Variants in MX2 observed in about 807,000 individuals in gnomAD.
MX2 encodes the protein MX dynamin like GTPase 2.
MX2 carries 51 observed loss-of-function variants against 74.0 expected under a neutral mutation model. The ratio of observed to expected loss-of-function variants is 0.69; its 90% CI spans 0.55 to 0.87. The LOEUF (loss-of-function observed/expected upper bound fraction) is 0.87, where lower values mean the gene tolerates loss of function less well. Among genes scored for constraint, MX2 ranks in the 40% least tolerant of loss-of-function variants. The pLI is 0.00. For missense variants in MX2, 832 were observed against 908.7 expected (o/e 0.92, Z 1.09); for synonymous variants, 369 against 339.3 (o/e 1.09, Z -0.96).
In MX2 at chr21:41,408,336, CTA is replaced by C. The variant is rs1012488344; in HGVS notation, c.*105_*106del. On this transcript the variant is annotated 3_prime_UTR_variant, in exon 14 of 14. Transcript: ENST00000330714. The stretch of plus-strand genomic sequence containing the variant: ...GCTTTGGGGCCAAACTCTTCTGTCA[CTA>C]TCAGTGTCCATCTCTACTGTACTCC... 5 of 1,460,598 alleles carry C rather than the reference CTA, an allele frequency of 3.4e-6. No homozygotes were observed. The African/African-American group carries it at 7.0e-5, about 20-fold the overall frequency. The allele number at this position is 1,460,598 out of a possible 1,614,324, so 90.5% of individuals were successfully genotyped here. A position where few individuals can be genotyped will look rare whatever the true frequency, so the allele number is the denominator to read the frequency against.
At chr21:41,376,178 G>T (rs1421730859) in intron 1 of MX2, among the ~76,000 whole-genome samples, 7 of 152,144 alleles carry the variant, frequency 4.6e-5, no homozygotes, top group Non-Finnish European at 8.8e-5. Flanking sequence ...CACACCTAAT[G>T]GTTCTCCTGC....
intron 12 of MX2, chr21:41,403,912 A>C (rs2089850342): frequency 4.1e-6 from 1 of 242,540 alleles, no homozygotes; most frequent in African/African-American, 2.3e-5. Flanking sequence ...TCCGTCATAT[A>C]AATTAATTTC....
intron 1 of MX2, among the ~76,000 whole-genome samples, chr21:41,369,315 A>G (rs1601390350): frequency 6.6e-6 from 1 of 152,176 alleles, no homozygotes; most frequent in Non-Finnish European, 1.5e-5. Flanking sequence ...GAGGGACCCC[A>G]GGTGGGGCTG....
Position 41,397,617 on chromosome 21 carries a change from C to A in MX2, c.1075C>A (p.Leu359Ile), listed in dbSNP as rs748381668. Residue 359 changes from leucine to isoleucine, a missense_variant, in exon 8 of 14, where the codon CTC becomes ATC. Transcript: ENST00000330714. ...TGAATGTCTGTCTCATTTCAGAGTTCTCCTGGAGGAGGGGTCAGCCACGGT... is the reference window on the plus strand; with the variant it reads ...TGAATGTCTGTCTCATTTCAGAGTTATCCTGGAGGAGGGGTCAGCCACGGT... Reference protein sequence around the residue: ...FFQTHPYFRVLLEEGSATVPR... With the variant: ...FFQTHPYFRVILEEGSATVPR... 1 of 1,613,784 alleles carries A rather than the reference C, an allele frequency of 6.2e-7. No individual in the cohort carries two copies. Among genetic ancestry groups the A allele is most frequent in the Non-Finnish European group, 8.5e-7 (1 of 1,179,692 alleles).
At chr21:41,371,309 G>T (rs2089322009) in intron 1 of MX2, among the ~76,000 whole-genome samples, 1 of 152,138 alleles carries the variant, frequency 6.6e-6, no homozygotes, top group Non-Finnish European at 1.5e-5. Flanking sequence ...CTGATCCATT[G>T]GTCTGGGTTT....
At position 41,388,969 on chromosome 21, in the gene MX2, G is replaced by A. The variant is rs531854135; in HGVS notation, c.733-1596G>A. On this transcript the variant is annotated intron_variant, in intron 5 of 13. Coordinates refer to ENST00000330714, the MANE Select transcript of MX2 (RefSeq NM_002463.2). The surrounding 1 kb of genome is among the most constrained non-coding windows in gnomAD (Gnocchi z 4.0). ...TACAATGCCTAGGATGGCCACCATG[G>A]CAGAGTCATCCTTCTGAATTGTCAA... Among the ~76,000 whole-genome samples, 6 of 152,242 alleles carry A rather than the reference G, an allele frequency of 3.9e-5. No homozygotes were observed. The East Asian group carries it at 7.7e-4, about 20-fold the overall frequency.
At chr21:41,399,104 A>G in intron 9 of MX2, 85 bp downstream of exon 9, 5 of 1,595,698 alleles carry the variant, frequency 3.1e-6, no homozygotes, top group Non-Finnish European at 4.3e-6. Context: ...CACCCATGAG[A>G]TGAGGTGGGC....
Position 41,377,014 on chromosome 21 carries a change from C to A in MX2, c.108C>A (p.Phe36Leu). The change falls in exon 2 of 14, where the codon TTC becomes TTA. Residue 36 changes from phenylalanine to leucine, a missense_variant. Coordinates refer to ENST00000330714, the MANE Select transcript of MX2 (RefSeq NM_002463.2). Reference sequence around the variant, plus strand: ...CCTTCCAGCAACAGCCACCGCCATTCGGCACAGTGCCACCACAAATGATGT... The same window carrying A: ...CCTTCCAGCAACAGCCACCGCCATTAGGCACAGTGCCACCACAAATGATGT... Reference protein sequence around the residue: ...MNSFQQQPPPFGTVPPQMMFP... With the variant: ...MNSFQQQPPPLGTVPPQMMFP... 1 of 1,614,214 alleles carries A rather than the reference C, an allele frequency of 6.2e-7. No homozygotes were observed. The highest frequency in any genetic ancestry group is 1.3e-5 in the African/African-American group (1 of 75,050).
At chr21:41,384,440 T>A (rs1038186910) in intron 5 of MX2, among the ~76,000 whole-genome samples, 3 of 152,238 alleles carry the variant, frequency 2.0e-5, no homozygotes, top group Non-Finnish European at 4.4e-5. Context: ...TTTCCGTTGT[T>A]GTAAATATTG....
intron 6 of MX2, among the ~76,000 whole-genome samples, chr21:41,392,587 G>A (rs887634542): frequency 2.6e-5 from 4 of 152,188 alleles, no homozygotes; most frequent in South Asian, 2.1e-4. Context: ...GAGATGGACG[G>A]TGGTGATGGT....
chr21:41,380,377 C>T lies in MX2; in HGVS notation c.577+226C>T, dbSNP rs1385585484. Among the ~76,000 whole-genome samples, 1 of 152,164 alleles carries T rather than the reference C, an allele frequency of 6.6e-6. No homozygotes were observed. Among genetic ancestry groups the T allele is most frequent in the East Asian group, 1.9e-4 (1 of 5,188 alleles). On this transcript the variant is annotated intron_variant, in intron 4 of 13. Coordinates refer to ENST00000330714, the MANE Select transcript of MX2 (RefSeq NM_002463.2). This position sits in a 1 kb window ranked among gnomAD's most constrained non-coding sequence, Gnocchi z 4.3. ...CATGCCGAGGACCCTCTGGTGGCTTCCCTTAGCAGCCTGCAGCCCACGTGG... is the reference window on the plus strand; with the variant it reads ...CATGCCGAGGACCCTCTGGTGGCTTTCCTTAGCAGCCTGCAGCCCACGTGG...
intron 1 of MX2, among the ~76,000 whole-genome samples, chr21:41,373,487 G>A (rs416981): frequency 0.49 from 74,761 of 151,992 alleles, 21,884 homozygotes; most frequent in East Asian, 0.8. Flanking sequence ...CCTCCAGGCT[G>A]CAGGCAGTCT....
At chr21:41,407,110 T>C (rs2089897110) in intron 13 of MX2, 112 bp downstream of exon 13, 3 of 1,117,572 alleles carry the variant, frequency 2.7e-6, no homozygotes, top group Non-Finnish European at 3.8e-6. Flanking sequence ...ACCACTACAA[T>C]GTATTAAGCC....
At chr21:41,396,584 G>A (rs1382359640) in intron 7 of MX2, among the ~76,000 whole-genome samples, 2 of 152,134 alleles carry the variant, frequency 1.3e-5, no homozygotes, top group Non-Finnish European at 2.9e-5. Context: ...TTCTCCAGGG[G>A]ATCCTACTAC....
intron 6 of MX2, among the ~76,000 whole-genome samples, chr21:41,395,378 T>G (rs899508789): frequency 1.3e-5 from 2 of 152,084 alleles, no homozygotes; most frequent in African/African-American, 4.8e-5. Context: ...TCCAGGACAC[T>G]GAATGAACTG....
At position 41,380,283 on chromosome 21, in the gene MX2, T is replaced by C; in HGVS notation, c.577+132T>C. On this transcript the variant is annotated intron_variant, in intron 4 of 13. Coordinates refer to ENST00000330714, the MANE Select transcript of MX2 (RefSeq NM_002463.2). This position sits in a 1 kb window ranked among gnomAD's most constrained non-coding sequence, Gnocchi z 4.3. The stretch of plus-strand genomic sequence containing the variant: ...AGCCCCATGTGCTCCCACATGGGGC[T>C]GAACCCATTGCTGTCACCTCCACCA... The C allele has an allele frequency of 8.1e-7, 1 of 1,236,708 alleles. No individual in the cohort carries two copies. Among genetic ancestry groups the C allele is most frequent in the Non-Finnish European group, 1.1e-6 (1 of 891,218 alleles). The allele number at this position is 1,236,708 out of a possible 1,614,324, so 76.6% of individuals were successfully genotyped here. A position where few individuals can be genotyped will look rare whatever the true frequency, so the allele number is the denominator to read the frequency against.
chr21:41,381,747 A>C (rs1049240168), intron 4 of MX2, among the ~76,000 whole-genome samples: 4 of 152,106 alleles, frequency 2.6e-5, no homozygotes, highest in African/African-American at 4.8e-5. Context: ...ACATCTTTAG[A>C]ATAGCATCTT....
intron 6 of MX2, among the ~76,000 whole-genome samples, chr21:41,391,006 A>C (rs2089652452): frequency 1.7e-5 from 2 of 114,442 alleles, no homozygotes; most frequent in Non-Finnish European, 1.8e-5. Flanking sequence ...ACTCCATCTC[A>C]AAAAAAAAAA....
In MX2 at chr21:41,402,307, CT is replaced by C. The variant is rs1205227168; in HGVS notation, c.1573+180del. 3.7e-5 allele frequency: 24 copies of C among 656,428 alleles called. No homozygotes were observed. Among genetic ancestry groups the C allele is most frequent in the Non-Finnish European group, 5.0e-5 (21 of 417,528 alleles). 40.7% of individuals were successfully genotyped at this position (656,428 alleles called of 1,614,324 possible). A position where few individuals can be genotyped will look rare whatever the true frequency, so the allele number is the denominator to read the frequency against. ...CAGCAGCACTGGCAAGGCCTGAGAG[CT>C]GGTCAGAGCTACCGATTCTGCCCTT... On this transcript the variant is annotated intron_variant, in intron 11 of 13. Transcript: ENST00000330714. This position sits in a 1 kb window ranked among gnomAD's most constrained non-coding sequence, Gnocchi z 4.5.
Sources: allele counts gnomAD v4.1 joint callset (sites outside exome capture counted in the v4.1 genomes callset), GRCh38; gene constraint gnomAD v4.1.1; non-coding constraint Gnocchi (gnomAD v3.1); transcripts MANE v1.5; gene names NCBI Gene and HGNC (gene_info 2026-07-23, HGNC 2026-07-21).